Variants in C18orf63 observed in about 807,000 individuals in gnomAD.
The protein encoded by C18orf63 is uncharacterized protein C18orf63.
C18orf63 carries 50 observed loss-of-function variants against 75.3 expected under a neutral mutation model. That is an observed-to-expected ratio of 0.66 (90% CI 0.53 to 0.84). The LOEUF is 0.84. Among genes scored for constraint, C18orf63 ranks in the 40% least tolerant of loss-of-function variants. The pLI, the probability that C18orf63 is intolerant of heterozygous loss-of-function variation, is 0.00. For missense variants in C18orf63, 732 were observed against 800.2 expected (o/e 0.91, Z 1.03); for synonymous variants, 232 against 267.6 (o/e 0.87, Z 1.30).
chr18:74,337,151 T>A (rs1984405027), intron 7 of C18orf63, among the ~76,000 whole-genome samples: 1 of 152,138 alleles, frequency 6.6e-6, no homozygotes, highest in African/African-American at 2.4e-5. Flanking sequence ...ATTGTTCAGA[T>A]TGGCGTTATA....
intron 2 of C18orf63, among the ~76,000 whole-genome samples, chr18:74,318,334 C>T (rs1257720954): frequency 6.6e-6 from 1 of 152,134 alleles, no homozygotes; most frequent in Non-Finnish European, 1.5e-5. Flanking sequence ...TTATGGAATA[C>T]CTACTGTTTT....
intron 8 of C18orf63, among the ~76,000 whole-genome samples, chr18:74,340,957 T>C (rs963203306): frequency 6.6e-6 from 1 of 152,022 alleles, no homozygotes; most frequent in Non-Finnish European, 1.5e-5. Flanking sequence ...ATACTGACTA[T>C]AGTTAATAAA....
At chr18:74,341,750 T>C (rs1984491972) in intron 8 of C18orf63, among the ~76,000 whole-genome samples, 1 of 151,704 alleles carries the variant, frequency 6.6e-6, no homozygotes, top group East Asian at 1.9e-4. Context: ...AAAAAGTATG[T>C]GAGTAAATGC....
rs1380804962 is a variant in C18orf63 at position 74,353,805 on chromosome 18, A to G, written c.1538A>G (p.Glu513Gly). ...LNQENSRPLQ[E>G]KNTESSENMT... ...CAGGAGAATTCCAGACCTCTGCAAG[A>G]AAAAAATACAGAGTCTTCTGAAAAT... The change falls in exon 12 of 14, where the codon GAA (glutamate) becomes GGA (glycine). Residue 513 changes from glutamate to glycine, a missense_variant. Physicochemically the swap from Glu to Gly is moderately conservative, Grantham distance 98. Around this residue, in one of 3 missense-constraint regions of C18orf63, gnomAD observed 495 missense variants for 508.7 expected, o/e 0.97. Coordinates refer to ENST00000579455, the MANE Select transcript of C18orf63 (RefSeq NM_001174123.2). 1 of 1,535,950 alleles carries G rather than the reference A, an allele frequency of 6.5e-7. No homozygotes were observed. Among genetic ancestry groups the G allele is most frequent in the Admixed American group, 2.0e-5 (1 of 50,982 alleles).
chr18:74,322,369 G>A lies in C18orf63; in HGVS notation c.214-329G>A, dbSNP rs183971672. Reference sequence around the variant, plus strand: ...CTTAGGCCTTTGAACATGATCTTCCGTTTATGTCCATTTTCCTTATTCATG... The same window carrying A: ...CTTAGGCCTTTGAACATGATCTTCCATTTATGTCCATTTTCCTTATTCATG... On this transcript the variant is annotated intron_variant, in intron 3 of 13. Coordinates refer to ENST00000579455, the MANE Select transcript of C18orf63 (RefSeq NM_001174123.2). Among the ~76,000 whole-genome samples, 677 of 152,126 alleles carry A rather than the reference G, an allele frequency of 4.5e-3. 2 individuals are homozygous for A. In the South Asian group the frequency reaches 0.047, roughly 11 times the overall value.
intron 11 of C18orf63, among the ~76,000 whole-genome samples, chr18:74,352,138 C>A (rs1984676699): frequency 6.6e-6 from 1 of 151,926 alleles, no homozygotes; most frequent in Non-Finnish European, 1.5e-5. Flanking sequence ...TGAAATAAGC[C>A]AGACACAAAA....
chr18:74,353,211 AT>A (rs1402333451), intron 11 of C18orf63, 34 bp from the exon 12 acceptor site: 1 of 1,347,904 alleles, frequency 7.4e-7, no homozygotes, highest in East Asian at 2.5e-5. Flanking sequence ...CATTATTAAC[AT>A]TTTAAATTTT....
At position 74,330,945 on chromosome 18, in the gene C18orf63, ACCATATATTGTGATTT is replaced by A; in HGVS notation, c.501+5_501+20del. On this transcript the variant is annotated splice_donor_5th_base_variant and intron_variant, in intron 7 of 13. Coordinates refer to ENST00000579455, the MANE Select transcript of C18orf63 (RefSeq NM_001174123.2). ...CAATCAGACTGCCAGCACCTGAGGT[ACCATATATTGTGATTT>A]CTATACTTTATTATATTTACTATAT... The A allele has an allele frequency of 7.3e-7, 1 of 1,374,250 alleles. No homozygotes were observed. Among genetic ancestry groups the A allele is most frequent in the Non-Finnish European group, 9.7e-7 (1 of 1,028,112 alleles). The allele number at this position is 1,374,250 out of a possible 1,614,324, so 85.1% of individuals were successfully genotyped here. A position where few individuals can be genotyped will look rare whatever the true frequency, so the allele number is the denominator to read the frequency against.
At chr18:74,318,146 C>A in intron 2 of C18orf63, 147 bp downstream of exon 2, 2 of 494,350 alleles carry the variant, frequency 4.0e-6, no homozygotes, top group South Asian at 5.9e-5. Flanking sequence ...TTTGTTTTGA[C>A]CAGGTATATT....
At chr18:74,321,933 T>G (rs958031843) in intron 3 of C18orf63, among the ~76,000 whole-genome samples, 1 of 152,196 alleles carries the variant, frequency 6.6e-6, no homozygotes, top group Non-Finnish European at 1.5e-5. Context: ...CTGGATATCT[T>G]TCCATGTCAG....
At chr18:74,349,649 C>G (rs746825333) in intron 11 of C18orf63, among the ~76,000 whole-genome samples, 1 of 152,112 alleles carries the variant, frequency 6.6e-6, no homozygotes, top group African/African-American at 2.4e-5. Context: ...TGAGATGGAA[C>G]AGTTTCATTT....
At chr18:74,352,174 A>G (rs1984677424) in intron 11 of C18orf63, among the ~76,000 whole-genome samples, 1 of 152,212 alleles carries the variant, frequency 6.6e-6, no homozygotes, top group Non-Finnish European at 1.5e-5. Flanking sequence ...GATTCCACTT[A>G]CATGTGGTAC....
chr18:74,354,858 A>G (rs1326761314), intron 13 of C18orf63, among the ~76,000 whole-genome samples: 1 of 152,218 alleles, frequency 6.6e-6, no homozygotes, highest in African/African-American at 2.4e-5. Flanking sequence ...CTAAAAATAG[A>G]AGATTTGAAC....
chr18:74,318,731 A>G (rs1984069278), intron 2 of C18orf63, among the ~76,000 whole-genome samples: 1 of 151,814 alleles, frequency 6.6e-6, no homozygotes, highest in South Asian at 2.1e-4. Context: ...TAGAGGTTGC[A>G]GTGAGCCAAG....
At position 74,328,995 on chromosome 18, in the gene C18orf63, G is replaced by C. The variant is rs1036681985; in HGVS notation, c.383G>C (p.Gly128Ala). Residue 128 changes from glycine to alanine, a missense_variant and splice_region_variant, in exon 6 of 14, where the codon GGA becomes GCA. Transcript: ENST00000579455. ...TGGCATATTCTATGAATTTTTTAAG[G>C]AAGAGATTTTCTTTCTCAGATGGGA... The part of the protein sequence containing the change: ...WNRTGHLLIQ[G>A]RDFLSQMGKQ... The C allele has an allele frequency of 2.7e-6, 4 of 1,489,314 alleles. No individual in the cohort carries two copies. The Admixed American group carries it at 7.9e-5, about 29-fold the overall frequency. 92.3% of individuals were successfully genotyped at this position (1,489,314 alleles called of 1,614,324 possible). A position where few individuals can be genotyped will look rare whatever the true frequency, so the allele number is the denominator to read the frequency against.
At chr18:74,320,097 C>T (rs1276750504) in intron 2 of C18orf63, among the ~76,000 whole-genome samples, 2 of 152,216 alleles carry the variant, frequency 1.3e-5, no homozygotes, top group East Asian at 3.9e-4. Context: ...AGAGTAAAAA[C>T]GGATAGTGAG....
intron 8 of C18orf63, among the ~76,000 whole-genome samples, chr18:74,339,961 C>T (rs1309149366): frequency 6.6e-6 from 1 of 152,106 alleles, no homozygotes; most frequent in Non-Finnish European, 1.5e-5. Flanking sequence ...CTGAAAACTA[C>T]GTATCTGTGA....
At chr18:74,325,935 A>C (rs1474949707) in intron 4 of C18orf63, among the ~76,000 whole-genome samples, 1 of 152,134 alleles carries the variant, frequency 6.6e-6, no homozygotes, top group Admixed American at 6.5e-5. Context: ...ATTGCCCCAT[A>C]CTTCCTCTTT....
intron 13 of C18orf63, among the ~76,000 whole-genome samples, chr18:74,355,511 G>GA (rs1568241658): frequency 6.6e-6 from 1 of 152,062 alleles, no homozygotes; most frequent in African/African-American, 2.4e-5. Context: ...CCAGGAGGGG[G>GA]GGCTTACACC....
Sources: gnomAD v4.1 joint callset for allele counts (sites outside exome capture counted in the v4.1 genomes callset) on GRCh38, gnomAD v4.1.1 for gene constraint, gnomAD v4.1.1 regional missense constraint, MANE v1.5 for transcripts, NCBI Gene and HGNC (gene_info 2026-07-23, HGNC 2026-07-21) for gene names.